Variants in DLGAP1 observed in about 807,000 individuals in gnomAD.
The protein encoded by DLGAP1 is DLG associated protein 1.
Under a neutral mutation model 90.8 loss-of-function variants are expected in DLGAP1, and 11 were observed. That is an observed-to-expected ratio of 0.12 (90% CI 0.08 to 0.20). The LOEUF (loss-of-function observed/expected upper bound fraction) is 0.20. DLGAP1 is among the 10% of genes least tolerant of loss of function. The pLI is 1.00. For missense variants in DLGAP1, 1,050 were observed against 1,333.8 expected (o/e 0.79, Z 3.31); for synonymous variants, 558 against 540.7 (o/e 1.03, Z -0.44).
intron 7 of DLGAP1, among the ~76,000 whole-genome samples, chr18:3,679,271 A>G (rs917057295): frequency 2.1e-5 from 3 of 141,928 alleles, no homozygotes; most frequent in Non-Finnish European, 4.5e-5. Flanking sequence ...TCTTATAATT[A>G]TTCCTTAATT....
intron 7 of DLGAP1, among the ~76,000 whole-genome samples, chr18:3,592,001 A>C (rs2056273558): frequency 6.6e-6 from 1 of 152,198 alleles, no homozygotes; most frequent in Non-Finnish European, 1.5e-5. Context: ...AATTGTACCA[A>C]CATCTGATAG....
intron 2 of DLGAP1, among the ~76,000 whole-genome samples, chr18:4,129,572 C>T (rs540254052): frequency 6.6e-6 from 1 of 152,110 alleles, no homozygotes; most frequent in Admixed American, 6.6e-5. Flanking sequence ...TTTTCTAAGA[C>T]TACAAGGAAC....
intron 7 of DLGAP1, among the ~76,000 whole-genome samples, chr18:3,638,059 G>A (rs1009574162): frequency 2.7e-5 from 4 of 147,934 alleles, no homozygotes; most frequent in Admixed American, 1.4e-4. Flanking sequence ...CCATTCTCCT[G>A]CCTCAGCCTC....
At chr18:4,011,774 G>T (rs148114427) in intron 2 of DLGAP1, among the ~76,000 whole-genome samples, 560 of 152,136 alleles carry the variant, frequency 3.7e-3, no homozygotes, top group African/African-American at 0.012. Flanking sequence ...CAGTGAGCCA[G>T]GATCACACCA....
chr18:3,765,556 G>A (rs118093790), intron 5 of DLGAP1, among the ~76,000 whole-genome samples: 2,878 of 151,944 alleles, frequency 0.019, 47 homozygotes, highest in Middle Eastern at 0.085. Flanking sequence ...AGATATACTC[G>A]GGCACGGTGG....
At chr18:4,025,903 C>G (rs2074691866) in intron 2 of DLGAP1, among the ~76,000 whole-genome samples, 1 of 152,166 alleles carries the variant, frequency 6.6e-6, no homozygotes, top group African/African-American at 2.4e-5. Context: ...GAAACAATCT[C>G]TTGTTATGAT....
At chr18:3,951,088 A>T (rs1013375265) in intron 3 of DLGAP1, among the ~76,000 whole-genome samples, 1 of 152,236 alleles carries the variant, frequency 6.6e-6, no homozygotes, top group East Asian at 1.9e-4. Context: ...AGCAGAGCCT[A>T]GACAACAATG....
chr18:3,796,397 G>A (rs1484984263), intron 5 of DLGAP1, among the ~76,000 whole-genome samples: 3 of 152,162 alleles, frequency 2.0e-5, no homozygotes, highest in African/African-American at 4.8e-5. Flanking sequence ...ATACAAAGGG[G>A]CTGTTTAATA....
At position 3,680,744 on chromosome 18, in the gene DLGAP1, G is replaced by A. The variant is rs919458884; in HGVS notation, c.1591+48391C>T. On this transcript the variant is annotated intron_variant, in intron 7 of 12. Coordinates refer to ENST00000315677, the MANE Select transcript of DLGAP1 (RefSeq NM_004746.4). ...GCGGAGCTTGCAGTAAGCCGAGATC[G>A]CGCCACTGCACTCCAGCCTGGAAGA... Among the ~76,000 whole-genome samples, 9 of 144,796 alleles carry A rather than the reference G, an allele frequency of 6.2e-5. No individual in the cohort carries two copies. In the South Asian group the frequency reaches 1.3e-3, roughly 21 times the overall value. The allele number at this position is 144,796 out of a possible 152,430, so 95.0% of individuals were successfully genotyped here.
At chr18:4,233,425 T>A (rs9945874) in intron 1 of DLGAP1, among the ~76,000 whole-genome samples, 11,445 of 152,208 alleles carry the variant, frequency 0.075, 659 homozygotes, top group African/African-American at 0.15. Context: ...TTTTTCTCAC[T>A]AATAGGCTGG....
intron 2 of DLGAP1, among the ~76,000 whole-genome samples, chr18:4,040,968 A>G (rs1031932434): frequency 6.6e-6 from 1 of 152,146 alleles, no homozygotes; most frequent in Admixed American, 6.5e-5. Context: ...GATTCTCCCT[A>G]GGGAGGAAAT....
At chr18:3,559,462 T>C (rs566251739) in intron 9 of DLGAP1, among the ~76,000 whole-genome samples, 2 of 152,296 alleles carry the variant, frequency 1.3e-5, no homozygotes, top group East Asian at 3.9e-4. Flanking sequence ...TATTTTTGTC[T>C]TTCACATTTT....
intron 8 of DLGAP1, among the ~76,000 whole-genome samples, chr18:3,574,155 T>C (rs571498785): frequency 6.6e-6 from 1 of 152,374 alleles, no homozygotes; most frequent in South Asian, 2.1e-4. Flanking sequence ...ATTCCTAATA[T>C]TGTTGATTTC....
intron 5 of DLGAP1, among the ~76,000 whole-genome samples, chr18:3,761,005 A>G (rs2063939681): frequency 6.6e-6 from 1 of 152,186 alleles, no homozygotes; most frequent in African/African-American, 2.4e-5. Flanking sequence ...CACCTTATGG[A>G]ATTGTGTGAA....
intron 4 of DLGAP1, among the ~76,000 whole-genome samples, chr18:3,827,595 T>TTC (rs1402241142): frequency 5.9e-5 from 9 of 151,896 alleles, no homozygotes; most frequent in Non-Finnish European, 1.0e-4. Flanking sequence ...TTTCTTCTTT[T>TTC]TCTCTCTCTC....
At chr18:4,197,215 A>AAAAGAAAAAC (rs1483551856) in intron 1 of DLGAP1, among the ~76,000 whole-genome samples, 18 of 151,244 alleles carry the variant, frequency 1.2e-4, no homozygotes, top group African/African-American at 4.1e-4. Context: ...AAAAGAAAAA[A>AAAAGAAAAAC]AAAGAAAGAG....
At chr18:3,656,027 C>T in intron 7 of DLGAP1, 1 of 1,483,674 alleles carries the variant, frequency 6.7e-7, no homozygotes, top group Admixed American at 2.5e-5. Flanking sequence ...TAGCTACAAG[C>T]CACGCTATGC....
chr18:4,273,572 G>A (rs2079334786), intron 1 of DLGAP1, among the ~76,000 whole-genome samples: 1 of 152,104 alleles, frequency 6.6e-6, no homozygotes, highest in Non-Finnish European at 1.5e-5. Context: ...CCTCCTGAGT[G>A]GCTATGACTA....
chr18:3,579,083 T>C lies in DLGAP1; in HGVS notation c.1965+2792A>G, dbSNP rs557544408. On this transcript the variant is annotated intron_variant, in intron 8 of 12. Transcript: ENST00000315677. The stretch of plus-strand genomic sequence containing the variant: ...ATTATTCTGAAACTGTTTTAAAAAA[T>C]CTAGCTTCCTGTGGAGGTTATAGTT... Among the ~76,000 whole-genome samples, 7 of 152,262 alleles carry C rather than the reference T, an allele frequency of 4.6e-5. No individual in the cohort carries two copies. In the South Asian group the frequency reaches 8.3e-4, roughly 18 times the overall value.
Sources: gnomAD v4.1 joint callset for allele counts (sites outside exome capture counted in the v4.1 genomes callset) on GRCh38, gnomAD v4.1.1 for gene constraint, MANE v1.5 for transcripts, NCBI Gene and HGNC (gene_info 2026-07-23, HGNC 2026-07-21) for gene names.